The following PTER variants were observed in gnomAD, a reference collection of about 807,000 sequenced individuals.
The protein encoded by PTER is N-acetyltaurine hydrolase.
PTER carries 38 observed loss-of-function variants against 29.6 expected under a neutral mutation model. That is an observed-to-expected ratio of 1.28 (90% confidence interval 0.99 to 1.68). PTER has a LOEUF of 1.68. Among genes scored for constraint, PTER ranks in the 40% most tolerant of loss-of-function variants. PTER has a pLI of 0.00. For synonymous variants in PTER, 172 were observed against 154.5 expected (o/e 1.11, Z -0.84); for missense variants, 482 against 427.8 (o/e 1.13, Z -1.12).
At position 16,484,680 on chromosome 10, in the gene PTER, C is replaced by G. The variant is rs1365648059; in HGVS notation, c.296C>G (p.Thr99Arg). ...GGTGGAGGGGCTTTGGTGGAAAACA[C>G]AACCACTGGGATTAGCCGAGACACA... ...ANGGGALVEN[T>R]TTGISRDTQT... is the part of the protein sequence containing the mutation. The change falls in exon 2 of 5, where the codon ACA becomes AGA. Residue 99 changes from threonine (T) to arginine (R), a missense_variant. Physicochemically the swap from Thr to Arg is moderately conservative, Grantham distance 71 (BLOSUM62 -1). Coordinates refer to ENST00000535784, the MANE Select transcript of PTER (RefSeq NM_001261836.2). 6.2e-7 allele frequency: 1 copy of G among 1,614,132 alleles called. No individual in the cohort carries two copies. Among genetic ancestry groups the G allele is most frequent in the East Asian group, 2.2e-5 (1 of 44,888 alleles).
downstream of PTER, chr10:16,514,609 G>T (rs1836918878): frequency 6.2e-7 from 1 of 1,613,750 alleles, no homozygotes; most frequent in Non-Finnish European, 8.5e-7. Flanking sequence ...CATCTAATTT[G>T]ATATAGACTT....
intron 1 of PTER, among the ~76,000 whole-genome samples, chr10:16,478,144 G>A (rs904715821): frequency 6.6e-6 from 1 of 152,202 alleles, no homozygotes; most frequent in Non-Finnish European, 1.5e-5. Context: ...TTCTGAGAAT[G>A]AAAAGGGCAG....
At chr10:16,452,860 C>T (rs903526755) in intron 1 of PTER, among the ~76,000 whole-genome samples, 2 of 152,160 alleles carry the variant, frequency 1.3e-5, no homozygotes, top group Non-Finnish European at 2.9e-5. Flanking sequence ...TCAAGTGATT[C>T]TCCTGCCTCA....
rs757492343 is a variant in PTER at position 16,484,578 on chromosome 10, A to G, written c.194A>G (p.Tyr65Cys). 3.1e-6 allele frequency: 5 copies of G among 1,614,106 alleles called. No individual in the cohort carries two copies. The highest frequency in any genetic ancestry group is 4.5e-5 in the East Asian group (2 of 44,878). The change falls in exon 2 of 5, where the codon TAT (tyrosine) becomes TGT (cysteine). Residue 65 changes from tyrosine to cysteine, a missense_variant. Coordinates refer to ENST00000535784, the MANE Select transcript of PTER (RefSeq NM_001261836.2). ...TTATATTGGATTCAGAAAAACGCCT[A>G]TTCCCATAAAGAAAACCTTCAATTA... Reference protein sequence around the residue: ...KNLYWIQKNAYSHKENLQLNQ... With the variant: ...KNLYWIQKNACSHKENLQLNQ...
At chr10:16,473,366 T>A (rs1835125591) in intron 1 of PTER, among the ~76,000 whole-genome samples, 2 of 151,958 alleles carry the variant, frequency 1.3e-5, no homozygotes. Context: ...ACACCCCAGT[T>A]AGTAAGTTCC....
Position 16,484,582 on chromosome 10 carries a change from C to A in PTER, c.198C>A (p.Ser66=), listed in dbSNP as rs748442600. 14 of 1,613,910 alleles carry A rather than the reference C, an allele frequency of 8.7e-6. No homozygotes were observed. The highest frequency in any genetic ancestry group is 1.2e-5 in the Non-Finnish European group (14 of 1,179,972). ...ATTGGATTCAGAAAAACGCCTATTC[C>A]CATAAAGAAAACCTTCAATTAAATC... The part of the protein sequence containing the change: ...NLYWIQKNAY[S]HKENLQLNQE... The change falls in exon 2 of 5, where the codon TCC becomes TCA. Residue 66 remains serine, a synonymous_variant. Coordinates refer to ENST00000535784, the MANE Select transcript of PTER (RefSeq NM_001261836.2).
intron 3 of PTER, among the ~76,000 whole-genome samples, chr10:16,503,939 C>T (rs920809374): frequency 1.3e-5 from 2 of 152,218 alleles, no homozygotes; most frequent in Non-Finnish European, 2.9e-5. Flanking sequence ...CCCAACTCAT[C>T]TCCACGCCAA....
At chr10:16,500,267 C>G (rs6602128) in intron 3 of PTER, among the ~76,000 whole-genome samples, 4,310 of 148,650 alleles carry the variant, frequency 0.029, 172 homozygotes, top group African/African-American at 0.099. Flanking sequence ...CTCTGTCACC[C>G]AGGCTGGAGT....
At chr10:16,454,458 C>T (rs909794660) in intron 1 of PTER, among the ~76,000 whole-genome samples, 2 of 151,878 alleles carry the variant, frequency 1.3e-5, no homozygotes, top group African/African-American at 4.8e-5. Flanking sequence ...CACCTGTAAT[C>T]CCAGATACTT....
intron 4 of PTER, 23 bp downstream of exon 4, chr10:16,505,183 T>C: frequency 6.2e-7 from 1 of 1,612,022 alleles, no homozygotes. Flanking sequence ...AAGCCTCTCA[T>C]AGCATTCCCT....
chr10:16,439,357 A>G (rs1833768988), intron 1 of PTER, among the ~76,000 whole-genome samples: 1 of 152,198 alleles, frequency 6.6e-6, no homozygotes, highest in Admixed American at 6.5e-5. Flanking sequence ...CTGAAAAAAA[A>G]TGCAATTTAA....
chr10:16,480,268 C>A (rs1039399786), intron 1 of PTER, among the ~76,000 whole-genome samples: 12 of 150,322 alleles, frequency 8.0e-5, no homozygotes, highest in Admixed American at 4.0e-4. Context: ...TGACTCACTG[C>A]ACCCTCCACC....
intron 1 of PTER, among the ~76,000 whole-genome samples, chr10:16,467,766 A>C (rs1834893491): frequency 6.6e-6 from 1 of 151,190 alleles, no homozygotes; most frequent in Non-Finnish European, 1.5e-5. Flanking sequence ...GTGCAATTGC[A>C]CTCCAGCCTG....
At position 16,486,554 on chromosome 10, in the gene PTER, T is replaced by C. The variant is rs1353889158; in HGVS notation, c.635T>C (p.Ile212Thr). Residue 212 changes from isoleucine (I) to threonine (T), a missense_variant, in exon 3 of 5, where the codon ATT becomes ACT. Coordinates refer to ENST00000535784, the MANE Select transcript of PTER (RefSeq NM_001261836.2). ...CGGAGCTCCAGGGCACCATTTCAGATTATCCGAATATTGCAAGAAGCAGGC... is the reference window on the plus strand; with the variant it reads ...CGGAGCTCCAGGGCACCATTTCAGACTATCCGAATATTGCAAGAAGCAGGC... Reference protein sequence around the residue: ...PGRSSRAPFQIIRILQEAGAD... With the variant: ...PGRSSRAPFQTIRILQEAGAD... The C allele has an allele frequency of 1.2e-6, 2 of 1,614,006 alleles. No homozygotes were observed. Among genetic ancestry groups the C allele is most frequent in the East Asian group, 2.2e-5 (1 of 44,866 alleles).
In PTER at chr10:16,484,796, AG is replaced by A; in HGVS notation, c.415del (p.Ala139ProfsTer12). ...YVDATHSSET[R>X]AMSVEQLTDV... is the part of the protein sequence containing the mutation. ...GGATGCAACTCACTCCTCAGAGACC[AG>A]GGCCATGTCAGTGGAGCAGGTAAAA... On this transcript the variant is annotated frameshift_variant, in exon 2 of 5. Transcript: ENST00000535784. LOFTEE classifies it high-confidence loss of function. 6.2e-7 allele frequency: 1 copy of A among 1,607,468 alleles called. No individual in the cohort carries two copies. Among genetic ancestry groups the A allele is most frequent in the Non-Finnish European group, 8.5e-7 (1 of 1,177,894 alleles).
chr10:16,467,308 T>A (rs182565528), intron 1 of PTER, among the ~76,000 whole-genome samples: 1 of 152,218 alleles, frequency 6.6e-6, no homozygotes, highest in Non-Finnish European at 1.5e-5. Context: ...TTAAACTTTA[T>A]CATAAGTATG....
At chr10:16,446,556 C>G (rs1175167003) in intron 1 of PTER, among the ~76,000 whole-genome samples, 1 of 152,008 alleles carries the variant, frequency 6.6e-6, no homozygotes, top group Admixed American at 6.6e-5. Flanking sequence ...TTAAAATGTT[C>G]TCCATGAAGA....
chr10:16,482,928 C>T lies in PTER; in HGVS notation c.-48-1409C>T, dbSNP rs192967772. Among the ~76,000 whole-genome samples, 7 of 152,136 alleles carry T rather than the reference C, an allele frequency of 4.6e-5. No homozygotes were observed. In the East Asian group the frequency reaches 1.2e-3, roughly 25 times the overall value. On this transcript the variant is annotated intron_variant, in intron 1 of 4. Transcript: ENST00000535784. ...TCCCAAGTAGCTAGGATTACAGGCACGCTCCACCACACTTGGCAAATTTTT... is the reference window on the plus strand; with the variant it reads ...TCCCAAGTAGCTAGGATTACAGGCATGCTCCACCACACTTGGCAAATTTTT...
chr10:16,493,036 A>T (rs933128606), intron 3 of PTER, among the ~76,000 whole-genome samples: 1 of 152,210 alleles, frequency 6.6e-6, no homozygotes, highest in Non-Finnish European at 1.5e-5. Context: ...CATTCATTCC[A>T]CAAATACTTG....
Sources: allele counts gnomAD v4.1 joint callset (sites outside exome capture counted in the v4.1 genomes callset), GRCh38; gene constraint gnomAD v4.1.1; transcripts MANE v1.5; gene names NCBI Gene and HGNC (gene_info 2026-07-23, HGNC 2026-07-21).